The following CDH13 variants were observed in gnomAD, a reference collection of about 807,000 sequenced individuals.
CDH13 encodes cadherin 13.
CDH13 carries 24 observed loss-of-function variants against 63.8 expected under a neutral mutation model. The ratio of observed to expected loss-of-function variants is 0.38; its 90% CI spans 0.27 to 0.53. The LOEUF is 0.53. Ranked by LOEUF, CDH13 falls within the 20% of genes least tolerant of loss-of-function variation. CDH13 has a pLI of 0.85. For missense variants in CDH13, 1,049 were observed against 903.1 expected, an observed-to-expected ratio of 1.16 and a Z score of -2.07; for synonymous variants, 503 against 355.3, an observed-to-expected ratio of 1.42 and a Z score of -4.67.
chr16:83,071,335 CGGATAAGGAGACT>C, intron 3 of CDH13, among the ~76,000 whole-genome samples: 1 of 152,254 alleles, frequency 6.6e-6, no homozygotes, highest in South Asian at 2.1e-4. Context: ...CCCCCTTTCT[CGGATAAGGAGACT>C]GGGAATCAAG....
intron 3 of CDH13, among the ~76,000 whole-genome samples, chr16:83,105,902 C>T (rs1304003079): frequency 3.9e-5 from 6 of 152,220 alleles, no homozygotes; most frequent in Non-Finnish European, 7.4e-5. Flanking sequence ...GTTAGAGAAA[C>T]GACACAATGA....
chr16:83,312,997 C>T (rs1427957397), intron 5 of CDH13, among the ~76,000 whole-genome samples: 1 of 152,194 alleles, frequency 6.6e-6, no homozygotes, highest in East Asian at 1.9e-4. Context: ...CTAGAAGGAT[C>T]ACATGAGATG....
chr16:83,036,910 G>T (rs1916912404), intron 3 of CDH13, among the ~76,000 whole-genome samples: 1 of 152,140 alleles, frequency 6.6e-6, no homozygotes, highest in African/African-American at 2.4e-5. Flanking sequence ...CTTGGCCAGA[G>T]GAAGCTGGAA....
chr16:83,646,712 A>AACACACACACAC (rs71382879), intron 8 of CDH13, among the ~76,000 whole-genome samples: 23 of 80,522 alleles, frequency 2.9e-4, no homozygotes, highest in African/African-American at 1.0e-3. Context: ...AAAAAAAAAA[A>AACACACACACAC]ACACACACAC....
Position 83,402,551 on chromosome 16 carries a change from T to G in CDH13, c.781+57545T>G, listed in dbSNP as rs188070634. Among the ~76,000 whole-genome samples the G allele has an allele frequency of 1.9e-3, 285 of 152,344 alleles. 1 individual carries two copies. The highest frequency in any genetic ancestry group is 3.1e-3 in the Non-Finnish European group (213 of 68,034). On this transcript the variant is annotated intron_variant, in intron 6 of 13. Transcript: ENST00000567109. ...TCTTCATCACTTGCCCCAGCAAGTC[T>G]CTCCTCAAAGGATAGTCAGTTTGGC...
intron 3 of CDH13, among the ~76,000 whole-genome samples, chr16:83,058,210 G>A (rs751547927): frequency 2.2e-4 from 34 of 152,146 alleles, no homozygotes; most frequent in African/African-American, 6.0e-4. Flanking sequence ...CTTTGTGAGG[G>A]GAGATGGCAG....
chr16:83,190,565 A>T (rs1433099365), intron 4 of CDH13, among the ~76,000 whole-genome samples: 1 of 152,148 alleles, frequency 6.6e-6, no homozygotes, highest in East Asian at 1.9e-4. Flanking sequence ...TGAATAACAC[A>T]TTGACTCTGC....
At chr16:82,851,294 G>T (rs2039470437) in intron 1 of CDH13, among the ~76,000 whole-genome samples, 1 of 151,930 alleles carries the variant, frequency 6.6e-6, no homozygotes, top group East Asian at 1.9e-4. Flanking sequence ...AATTAGCTGG[G>T]CATAGTGGCG....
At chr16:83,339,647 C>G (rs377425864) in intron 5 of CDH13, among the ~76,000 whole-genome samples, 1 of 152,112 alleles carries the variant, frequency 6.6e-6, no homozygotes, top group African/African-American at 2.4e-5. Flanking sequence ...TCTCCTGAAT[C>G]CAGGTCCAGT....
intron 5 of CDH13, among the ~76,000 whole-genome samples, chr16:83,311,493 C>A (rs887886539): frequency 2.6e-5 from 4 of 152,182 alleles, no homozygotes; most frequent in Non-Finnish European, 4.4e-5. Context: ...GGCATATGTA[C>A]TGAATCTGCA....
intron 5 of CDH13, among the ~76,000 whole-genome samples, chr16:83,286,021 A>G (rs142328793): frequency 6.6e-6 from 1 of 152,264 alleles, no homozygotes; most frequent in Non-Finnish European, 1.5e-5. Flanking sequence ...GTTGCCCAAG[A>G]AATAATGGCT....
At chr16:83,458,814 T>A (rs991443522) in intron 6 of CDH13, among the ~76,000 whole-genome samples, 3 of 152,182 alleles carry the variant, frequency 2.0e-5, no homozygotes, top group East Asian at 3.9e-4. Flanking sequence ...ACAGCACCGG[T>A]TGTCTCTTTC....
intron 8 of CDH13, among the ~76,000 whole-genome samples, chr16:83,657,988 C>T (rs958103292): frequency 6.7e-5 from 10 of 149,148 alleles, no homozygotes; most frequent in Non-Finnish European, 1.3e-4. Flanking sequence ...CACCAGGTCC[C>T]ATATCCTCAC....
rs78382257 is a variant in CDH13 at position 83,755,337 on chromosome 16, T to C, written c.1681+7087T>C. 8.0e-3 allele frequency among the ~76,000 whole-genome samples: 1,218 copies of C among 152,174 alleles called. 10 individuals are homozygous for C. Among genetic ancestry groups the C allele is most frequent in the African/African-American group, 0.028 (1,166 of 41,532 alleles). On this transcript the variant is annotated intron_variant, in intron 11 of 13. Coordinates refer to ENST00000567109, the MANE Select transcript of CDH13 (RefSeq NM_001257.5). The stretch of plus-strand genomic sequence containing the variant: ...TCTGCCAAAAGACTAGTGTGTGGAA[T>C]TGGAGTTACAGAAGGATAGGAGAGT...
intron 6 of CDH13, among the ~76,000 whole-genome samples, chr16:83,472,258 G>A (rs9922345): frequency 0.29 from 44,274 of 152,092 alleles, 6,813 homozygotes; most frequent in African/African-American, 0.34. Context: ...TGTCTCCTGT[G>A]GGCATGCTGC....
chr16:83,687,478 G>A (rs1041477627), intron 10 of CDH13, among the ~76,000 whole-genome samples: 1 of 152,044 alleles, frequency 6.6e-6, no homozygotes, highest in Non-Finnish European at 1.5e-5. Flanking sequence ...ACCAGATCAC[G>A]CAAGAACTCA....
intron 4 of CDH13, among the ~76,000 whole-genome samples, chr16:83,136,457 G>T (rs2036289494): frequency 6.9e-6 from 1 of 145,590 alleles, no homozygotes. Context: ...CTGCACTCCA[G>T]CCTGGGCGAC....
chr16:82,741,250 T>G (rs1225147294), intron 1 of CDH13, among the ~76,000 whole-genome samples: 1 of 152,228 alleles, frequency 6.6e-6, no homozygotes, highest in African/African-American at 2.4e-5. Flanking sequence ...GTTTGTCTCT[T>G]CCATCATTCT....
intron 7 of CDH13, among the ~76,000 whole-genome samples, chr16:83,576,004 A>G (rs9937556): frequency 0.38 from 57,783 of 152,222 alleles, 12,469 homozygotes; most frequent in East Asian, 0.59. Context: ...TAATTGATGT[A>G]AAATTCACAT....
Sources: allele counts gnomAD v4.1 joint callset (sites outside exome capture counted in the v4.1 genomes callset), GRCh38; gene constraint gnomAD v4.1.1; transcripts MANE v1.5; gene names NCBI Gene and HGNC (gene_info 2026-07-23, HGNC 2026-07-21).